CASQ1: variants seen among roughly 807,000 people sequenced by gnomAD.
CASQ1 encodes the protein calsequestrin-1.
Under a neutral mutation model 49.5 loss-of-function variants are expected in CASQ1, and 40 were observed. That is an observed-to-expected ratio of 0.81 (90% confidence interval 0.63 to 1.05). The LOEUF is 1.05. CASQ1 is among the 50% of genes least tolerant of loss of function. The pLI is 0.00. For synonymous variants in CASQ1, 174 were observed against 187.2 expected (o/e 0.93, Z 0.58); for missense variants, 469 against 486.9 (o/e 0.96, Z 0.35).
intron 2 of CASQ1, among the ~76,000 whole-genome samples, chr1:160,193,192 G>T (rs1470205501): frequency 6.6e-6 from 1 of 152,110 alleles, no homozygotes; most frequent in Non-Finnish European, 1.5e-5. Context: ...TACAGGCGGG[G>T]CTGGCCAGAC....
chr1:160,193,007 C>CTA (rs1654113321), intron 2 of CASQ1, 121 bp downstream of exon 2: 7 of 777,196 alleles, frequency 9.0e-6, no homozygotes, highest in Non-Finnish European at 1.6e-5. Flanking sequence ...AGATTTATGT[C>CTA]TATTCTAAAA....
Position 160,193,854 on chromosome 1 carries a change from A to C in CASQ1, c.465+7A>C. ...CGTGGAGTTTCTGCTTGATGTAAGG[A>C]CTCCCCTGGACCTGACGGCCTTGCT... On this transcript the variant is annotated splice_region_variant and intron_variant, in intron 3 of 10. Coordinates refer to ENST00000368078, the MANE Select transcript of CASQ1 (RefSeq NM_001231.5). 2 of 1,598,122 alleles carry C rather than the reference A, an allele frequency of 1.3e-6. No individual in the cohort carries two copies. Among genetic ancestry groups the C allele is most frequent in the Non-Finnish European group, 1.7e-6 (2 of 1,167,152 alleles).
intron 4 of CASQ1, 42 bp from the exon 5 acceptor site, chr1:160,195,419 C>A: frequency 6.3e-7 from 1 of 1,576,290 alleles, no homozygotes; most frequent in African/African-American, 1.3e-5. Context: ...CCCGGGCAGA[C>A]CCTGGTTTCC....
Position 160,193,266 on chromosome 1 carries a change from T to C in CASQ1, c.364+380T>C, listed in dbSNP as rs560858112. On this transcript the variant is annotated intron_variant, in intron 2 of 10. Coordinates refer to ENST00000368078, the MANE Select transcript of CASQ1 (RefSeq NM_001231.5). The stretch of plus-strand genomic sequence containing the variant: ...CATGGTTGTTAGAGCAGTCAGCCAC[T>C]AGGGGGCAGCACAGGCTTGAGACGG... Among the ~76,000 whole-genome samples, 4 of 151,948 alleles carry C rather than the reference T, an allele frequency of 2.6e-5. No individual in the cohort carries two copies. In the South Asian group the frequency reaches 8.3e-4, roughly 32 times the overall value.
In CASQ1 at chr1:160,199,054, G is replaced by A; in HGVS notation, c.984+1G>A. The stretch of plus-strand genomic sequence containing the variant: ...GATTGACCCTGATGACTTCCCCCTG[G>A]TAAGAGGCACAGCTCAGGCACTGCT... On this transcript the variant is annotated splice_donor_variant, in intron 9 of 10. Transcript: ENST00000368078. LOFTEE classifies it high-confidence loss of function. 6.4e-7 allele frequency: 1 copy of A among 1,567,812 alleles called. No individual in the cohort carries two copies. The highest frequency in any genetic ancestry group is 1.7e-5 in the Admixed American group (1 of 59,952).
chr1:160,196,120 G>A (rs1424574762), intron 6 of CASQ1, 93 bp downstream of exon 6: 10 of 1,313,020 alleles, frequency 7.6e-6, no homozygotes, highest in Middle Eastern at 5.0e-4. Flanking sequence ...TTAGCCAACC[G>A]GGAAGCCAAT....
At chr1:160,192,623 C>T (rs1412375031) in intron 1 of CASQ1, 179 bp from the exon 2 acceptor site, 12 of 622,688 alleles carry the variant, frequency 1.9e-5, no homozygotes, top group Non-Finnish European at 3.5e-5. Context: ...CTAAGTTGAG[C>T]CAAAAACAGA....
chr1:160,198,940 T>C lies in CASQ1; in HGVS notation c.884-13T>C. The C allele has an allele frequency of 6.5e-7, 1 of 1,550,044 alleles. No individual in the cohort carries two copies. Among genetic ancestry groups the C allele is most frequent in the Non-Finnish European group, 8.9e-7 (1 of 1,121,444 alleles). On this transcript the variant is annotated splice_polypyrimidine_tract_variant and intron_variant, in intron 8 of 10. Coordinates refer to ENST00000368078, the MANE Select transcript of CASQ1 (RefSeq NM_001231.5). ...CTACACACCTCATACCTTGTACTTG[T>C]GTTCCCTCCAAGATGGTTTCGAGTT...
chr1:160,197,601 T>A lies in CASQ1; in HGVS notation c.815T>A (p.Met272Lys). 6.2e-7 allele frequency: 1 copy of A among 1,611,426 alleles called. No homozygotes were observed. The highest frequency in any genetic ancestry group is 8.5e-7 in the Non-Finnish European group (1 of 1,177,546). Residue 272 changes from methionine to lysine, a missense_variant, in exon 7 of 11, where the codon ATG becomes AAG. Coordinates refer to ENST00000368078, the MANE Select transcript of CASQ1 (RefSeq NM_001231.5). ...CTGAGGAAACTGAAGCCGGAGAGTA[T>A]GTATGAGACCTGGGTGAGTGCCCCT... ...STLRKLKPES[M>K]YETWEDDMDG...
chr1:160,198,900 G>C (rs1654304935), intron 8 of CASQ1, 53 bp from the exon 9 acceptor site: 1 of 1,252,178 alleles, frequency 8.0e-7, no homozygotes, highest in Admixed American at 1.7e-5. Flanking sequence ...TGTTTCACCT[G>C]GGTCCCTTTC....
At chr1:160,198,769 AG>A in intron 8 of CASQ1, 38 bp downstream of exon 8, 1 of 1,582,474 alleles carries the variant, frequency 6.3e-7, no homozygotes, top group Non-Finnish European at 8.7e-7. Flanking sequence ...GAGGGAAGGC[AG>A]GGGGAGGTGG....
In CASQ1 at chr1:160,193,839, C is replaced by T; in HGVS notation, c.457C>T (p.Leu153=). 6.2e-7 allele frequency: 1 copy of T among 1,611,060 alleles called. No homozygotes were observed. The highest frequency in any genetic ancestry group is 8.5e-7 in the Non-Finnish European group (1 of 1,177,622). The change falls in exon 3 of 11, where the codon CTG becomes TTG. Residue 153 remains leucine, a synonymous_variant. Coordinates refer to ENST00000368078, the MANE Select transcript of CASQ1 (RefSeq NM_001231.5). The part of the protein sequence containing the change: ...EFSADTIVEF[L]LDVLEDPVEL... ...TTCTGCTGACACCATCGTGGAGTTT[C>T]TGCTTGATGTAAGGACTCCCCTGGA...
chr1:160,192,251 G>A (rs1654095520), intron 1 of CASQ1, among the ~76,000 whole-genome samples: 1 of 152,116 alleles, frequency 6.6e-6, no homozygotes, highest in South Asian at 2.1e-4. Context: ...CCTCTGGGGG[G>A]TAACAAATGG....
intron 2 of CASQ1, 25 bp downstream of exon 2, chr1:160,192,911 G>C (rs767772208): frequency 1.3e-6 from 2 of 1,594,114 alleles, no homozygotes; most frequent in South Asian, 2.2e-5. Flanking sequence ...GGCAGGGGAG[G>C]GGAAGGTGGC....
chr1:160,190,643 C>G lies in CASQ1; in HGVS notation c.-109C>G. On this transcript the variant is annotated 5_prime_UTR_variant, in exon 1 of 11. It adds an upstream start codon to the 5' untranslated region. Transcript: ENST00000368078. Reference sequence around the variant, plus strand: ...CCACTGCTCTGGGCCATTCCCCAATCCCCCCTCCCACTTGAGCCCCTAACT... The same window carrying G: ...CCACTGCTCTGGGCCATTCCCCAATGCCCCCTCCCACTTGAGCCCCTAACT... 2 of 1,019,848 alleles carry G rather than the reference C, an allele frequency of 2.0e-6. No homozygotes were observed. Among genetic ancestry groups the G allele is most frequent in the Non-Finnish European group, 2.9e-6 (2 of 700,072 alleles). 63.2% of individuals were successfully genotyped at this position (1,019,848 alleles called of 1,614,324 possible). A position where few individuals can be genotyped will look rare whatever the true frequency, so the allele number is the denominator to read the frequency against.
At chr1:160,199,385 T>A (rs995657826) in intron 9 of CASQ1, among the ~76,000 whole-genome samples, 8 of 152,196 alleles carry the variant, frequency 5.3e-5, no homozygotes, top group African/African-American at 1.9e-4. Context: ...GCACAGAGAT[T>A]CCCTGTTTCA....
rs554168380 is a variant in CASQ1, at chr1:160,193,707, TGGCTCACTACCCCACCCCTGCGCCC to T, written c.365-31_365-7del. 5.6e-3 allele frequency: 6,502 copies of T among 1,157,866 alleles called. 13 individuals carry two copies. Among genetic ancestry groups the T allele is most frequent in the Non-Finnish European group, 7.1e-3 (5,594 of 784,084 alleles). 71.7% of individuals were successfully genotyped at this position (1,157,866 alleles called of 1,614,324 possible). On this transcript the variant is annotated splice_polypyrimidine_tract_variant and intron_variant, in intron 2 of 10. Coordinates refer to ENST00000368078, the MANE Select transcript of CASQ1 (RefSeq NM_001231.5). ...TGAATCTGTGGGAAGCCTGGGATCA[TGGCTCACTACCCCACCCCTGCGCCC>T]GGCTCACTCCCTAGGCCTAACTGAA...
rs1553192854 is a variant in CASQ1, at chr1:160,198,669, C to T, written c.829-8C>T. The T allele has an allele frequency of 6.2e-7, 1 of 1,611,828 alleles. No homozygotes were observed. The highest frequency in any genetic ancestry group is 8.5e-7 in the Non-Finnish European group (1 of 1,178,066). ...CAAAACCCTGTTCTCCTTCTTACCC[C>T]CTGACAGGAGGATGATATGGATGGA... On this transcript the variant is annotated splice_region_variant and splice_polypyrimidine_tract_variant and intron_variant, in intron 7 of 10. Transcript: ENST00000368078.
intron 1 of CASQ1, 102 bp from the exon 2 acceptor site, chr1:160,192,700 T>C: frequency 1.1e-6 from 1 of 902,472 alleles, no homozygotes; most frequent in South Asian, 1.4e-5. Flanking sequence ...TCAACTCTTA[T>C]ATCTCCCGCA....
Sources: gnomAD v4.1 joint callset for allele counts (sites outside exome capture counted in the v4.1 genomes callset) on GRCh38, gnomAD v4.1.1 for gene constraint, MANE v1.5 for transcripts, NCBI Gene and HGNC (gene_info 2026-07-23, HGNC 2026-07-21) for gene names.